TAF9B: variants seen among roughly 807,000 people sequenced by gnomAD.
TAF9B encodes the protein TATA-box binding protein associated factor 9b.
In TAF9B, 47 loss-of-function variants were observed where a neutral mutation model predicts 17.6. That is an observed-to-expected ratio of 2.68 (90% CI 2.12 to 3.41). The LOEUF is 3.41. Ranked by LOEUF, TAF9B falls within the 30% of genes most tolerant of loss-of-function variation. The pLI, the probability that TAF9B is intolerant of heterozygous loss-of-function variation, is 0.00. For missense variants in TAF9B, 218 were observed against 189.3 expected, an observed-to-expected ratio of 1.15 and a Z score of -0.89; for synonymous variants, 84 against 68.7, an observed-to-expected ratio of 1.22 and a Z score of -1.10.
rs782626245 is a variant in TAF9B, at chrX:78,139,641, CAG to C, written c.-32_-31del. 7.4e-6 allele frequency: 9 copies of C among 1,209,680 alleles called. No individual in the cohort carries two copies. Among genetic ancestry groups the C allele is most frequent in the Middle Eastern group, 2.3e-4 (1 of 4,346 alleles). On this transcript the variant is annotated 5_prime_UTR_variant, in exon 1 of 7. Transcript: ENST00000341864. ...TCCAGCCACTCGTCATCCGCGGAGA[CAG>C]AGGAGAGAGGAGAGCTCGCGGGCTC...
At chrX:78,133,938 T>C (rs1364458179) in intron 5 of TAF9B, among the ~76,000 whole-genome samples, 3 of 111,417 alleles carry the variant, frequency 2.7e-5, no homozygotes, top group Non-Finnish European at 3.8e-5. Context: ...GGTTTTCTAT[T>C]TATTACCTTA....
chrX:78,134,955 ATTTTT>A (rs569869340), intron 5 of TAF9B, among the ~76,000 whole-genome samples: 1 of 95,774 alleles, frequency 1.0e-5, no homozygotes, highest in Non-Finnish European at 2.1e-5. Flanking sequence ...AATCATTTTA[ATTTTT>A]TTTTTTTTTT....
chrX:78,139,430 T>A, intron 1 of TAF9B, 131 bp downstream of exon 1: 2 of 980,062 alleles, frequency 2.0e-6, no homozygotes, highest in Non-Finnish European at 1.4e-6. Flanking sequence ...CCCATCACCC[T>A]CTCCTCCTGA....
At chrX:78,136,806 CACAT>C (rs1366065795) in intron 5 of TAF9B, 105 bp downstream of exon 5, 4 of 483,678 alleles carry the variant, frequency 8.3e-6, no homozygotes, top group East Asian at 3.5e-5. Flanking sequence ...TTAATAGTAA[CACAT>C]ACACAAGAAT....
At chrX:78,135,933 T>C (rs2078432540) in intron 5 of TAF9B, among the ~76,000 whole-genome samples, 1 of 112,125 alleles carries the variant, frequency 8.9e-6, no homozygotes, top group African/African-American at 3.2e-5. Flanking sequence ...CAACTAATAC[T>C]ATACCCAAAC....
intron 4 of TAF9B, 134 bp from the exon 5 acceptor site, chrX:78,137,124 C>T (rs1445044460): frequency 6.9e-6 from 3 of 436,649 alleles, no homozygotes; most frequent in Non-Finnish European, 1.2e-5. Context: ...TCTCAGTGTT[C>T]TAAATCCAAC....
At chrX:78,133,269 T>C (rs1603399630) in intron 6 of TAF9B, 69 bp downstream of exon 6, 1 of 890,092 alleles carries the variant, frequency 1.1e-6, no homozygotes, top group Non-Finnish European at 1.6e-6. Flanking sequence ...CCTCTTGCTA[T>C]AGGAATACAA....
chrX:78,139,505 CG>C (rs1171734076), intron 1 of TAF9B, 55 bp downstream of exon 1: 19 of 1,204,291 alleles, frequency 1.6e-5, no homozygotes, highest in South Asian at 5.4e-5. Flanking sequence ...GGCCCCGCCT[CG>C]CAGGTCCCTG....
intron 6 of TAF9B, among the ~76,000 whole-genome samples, chrX:78,132,323 G>A (rs1004138807): frequency 8.9e-6 from 1 of 111,897 alleles, no homozygotes; most frequent in Non-Finnish European, 1.9e-5. Flanking sequence ...GGGATATAAT[G>A]TGATGTTCTG....
Position 78,130,109 on chromosome X carries a change from A to AAT in TAF9B, c.*1499_*1500dup, listed in dbSNP as rs2078402919. The AAT allele has an allele frequency of 8.9e-6, 1 of 112,283 alleles. No homozygotes were observed. Among genetic ancestry groups the AAT allele is most frequent in the South Asian group, 3.7e-4 (1 of 2,718 alleles). The allele number at this position is 112,283 out of a possible 1,213,427, so 9.3% of individuals were successfully genotyped here. A position where few individuals can be genotyped will look rare whatever the true frequency, so the allele number is the denominator to read the frequency against. ...ACCTGTTTTTATATTACCTTTCCCT[A>AAT]ATACTGAAAAACACTAAAACTGATA... On this transcript the variant is annotated 3_prime_UTR_variant, in exon 7 of 7. Transcript: ENST00000341864.
At chrX:78,132,923 C>T (rs782048347) in intron 6 of TAF9B, among the ~76,000 whole-genome samples, 3 of 110,813 alleles carry the variant, frequency 2.7e-5, no homozygotes, top group Admixed American at 9.7e-5. Context: ...TGGTCAACTG[C>T]GATCCAAAAA....
At position 78,139,626 on chromosome X, in the gene TAF9B, C is replaced by G. The variant is rs782182666; in HGVS notation, c.-15G>C. 4.1e-6 allele frequency: 5 copies of G among 1,210,118 alleles called. No homozygotes were observed. Among genetic ancestry groups the G allele is most frequent in the African/African-American group, 3.5e-5 (2 of 57,483 alleles). On this transcript the variant is annotated 5_prime_UTR_variant, in exon 1 of 7. Coordinates refer to ENST00000341864, the MANE Select transcript of TAF9B (RefSeq NM_015975.5). Reference sequence around the variant, plus strand: ...CCCGACTCCATGTTATCCAGCCACTCGTCATCCGCGGAGACAGAGGAGAGA... The same window carrying G: ...CCCGACTCCATGTTATCCAGCCACTGGTCATCCGCGGAGACAGAGGAGAGA...
intron 6 of TAF9B, among the ~76,000 whole-genome samples, chrX:78,132,650 A>G (rs1557249639): frequency 2.1e-5 from 2 of 97,502 alleles, no homozygotes; most frequent in African/African-American, 8.1e-5. Context: ...GTGTGTGTGT[A>G]TCCTATGAAG....
At position 78,130,585 on chromosome X, in the gene TAF9B, A is replaced by C. The variant is rs180716610; in HGVS notation, c.*1025T>G. On this transcript the variant is annotated 3_prime_UTR_variant, in exon 7 of 7. Transcript: ENST00000341864. ...TGAATTATACCAATAGCGGGGCTCAAGCAGCAGTGATCAAAACATAATATG... is the reference window on the plus strand; with the variant it reads ...TGAATTATACCAATAGCGGGGCTCACGCAGCAGTGATCAAAACATAATATG... The C allele has an allele frequency of 4.4e-5, 5 of 112,584 alleles. No homozygotes were observed. The Admixed American group carries it at 4.7e-4, about 11-fold the overall frequency. The allele number at this position is 112,584 out of a possible 1,213,427, so 9.3% of individuals were successfully genotyped here.
At chrX:78,133,241 G>C in intron 6 of TAF9B, 97 bp downstream of exon 6, 1 of 657,402 alleles carries the variant, frequency 1.5e-6, no homozygotes, top group Non-Finnish European at 2.4e-6. Context: ...CCTTCCTGTT[G>C]GGTATTAAAA....
In TAF9B at chrX:78,139,602, C is replaced by T; in HGVS notation, c.10G>A (p.Gly4Ser). Residue 4 changes from glycine to serine, a missense_variant, in exon 1 of 7, where the codon GGC (glycine) becomes AGC (serine). Physicochemically the swap from Gly to Ser is moderately conservative, Grantham distance 56. Transcript: ENST00000341864. MES[G>S]KMAPPKNAPR... ...GCGTTCTTGGGAGGCGCCATCTTGC[C>T]CGACTCCATGTTATCCAGCCACTCG... The T allele has an allele frequency of 2.5e-6, 3 of 1,212,006 alleles. No homozygotes were observed. Among genetic ancestry groups the T allele is most frequent in the Non-Finnish European group, 3.4e-6 (3 of 895,412 alleles).
chrX:78,137,982 TA>T lies in TAF9B; in HGVS notation c.249del (p.Phe83LeufsTer24). 1.7e-6 allele frequency: 2 copies of T among 1,209,003 alleles called. No individual in the cohort carries two copies. Among genetic ancestry groups the T allele is most frequent in the Non-Finnish European group, 2.2e-6 (2 of 894,688 alleles). The stretch of plus-strand genomic sequence containing the variant: ...CTCACATCTCTTGGGGGAGGAGAGG[TA>T]AAAGATTGGTCAGCACGACACTGGA... The part of the protein sequence containing the change: ...LAIQCRADQS[F>X]TSPPPRDFLL... On this transcript the variant is annotated frameshift_variant, in exon 3 of 7. Transcript: ENST00000341864. LOFTEE classifies it high-confidence loss of function.
Position 78,137,453 on chromosome X carries a change from A to T in TAF9B, c.405+296T>A, listed in dbSNP as rs184817843. Among the ~76,000 whole-genome samples, 607 of 111,280 alleles carry T rather than the reference A, an allele frequency of 5.5e-3. 3 individuals are homozygous for T. The highest frequency in any genetic ancestry group is 9.0e-3 in the Non-Finnish European group (477 of 53,027). On this transcript the variant is annotated intron_variant, in intron 4 of 6. Coordinates refer to ENST00000341864, the MANE Select transcript of TAF9B (RefSeq NM_015975.5). ...ATCATTTCCTCTGTTATTAGGCCTCACTAAAAAACTATGATATAGTGGAAA... is the reference window on the plus strand; with the variant it reads ...ATCATTTCCTCTGTTATTAGGCCTCTCTAAAAAACTATGATATAGTGGAAA...
chrX:78,131,564 A>C lies in TAF9B; in HGVS notation c.*46T>G. The C allele has an allele frequency of 8.6e-7, 1 of 1,159,903 alleles. No individual in the cohort carries two copies. Among genetic ancestry groups the C allele is most frequent in the Non-Finnish European group, 1.2e-6 (1 of 858,222 alleles). On this transcript the variant is annotated 3_prime_UTR_variant, in exon 7 of 7. Transcript: ENST00000341864. ...TATTCTAGTTCAGTATACTGGGCTC[A>C]AAACCAACTTTCCTTTTGAAATGCA... is the stretch of plus-strand genomic sequence containing the variant.
Sources: gnomAD v4.1 joint callset for allele counts (sites outside exome capture counted in the v4.1 genomes callset) on GRCh38, gnomAD v4.1.1 for gene constraint, MANE v1.5 for transcripts, NCBI Gene and HGNC (gene_info 2026-07-23, HGNC 2026-07-21) for gene names.